The following SRPK2 variants were observed in gnomAD, a reference collection of about 807,000 sequenced individuals.
The protein encoded by SRPK2 is SFRS protein kinase 2.
SRPK2 carries 21 observed loss-of-function variants against 90.8 expected under a neutral mutation model. The observed-to-expected ratio is 0.23, with a 90% CI of 0.16 to 0.33. SRPK2 has a LOEUF of 0.33. Ranked by LOEUF, SRPK2 falls within the 10% of genes least tolerant of loss-of-function variation. SRPK2 has a pLI of 1.00. For missense variants in SRPK2, 620 were observed against 869.0 expected, an observed-to-expected ratio of 0.71 and a Z score of 3.60; for synonymous variants, 288 against 311.1, an observed-to-expected ratio of 0.93 and a Z score of 0.78.
At chr7:105,140,714 G>A (rs776951596) in intron 11 of SRPK2, among the ~76,000 whole-genome samples, 11 of 152,074 alleles carry the variant, frequency 7.2e-5, no homozygotes, top group East Asian at 1.9e-4. Flanking sequence ...TGTAATCCCA[G>A]CACTTTGGGA....
chr7:105,293,641 A>T (rs1399663097), intron 2 of SRPK2, among the ~76,000 whole-genome samples: 1 of 152,062 alleles, frequency 6.6e-6, no homozygotes, highest in Non-Finnish European at 1.5e-5. Context: ...GCTGGTCTCA[A>T]ACTCCTGACC....
At chr7:105,235,501 A>G (rs1800015724) in intron 2 of SRPK2, among the ~76,000 whole-genome samples, 6 of 152,110 alleles carry the variant, frequency 3.9e-5, no homozygotes, top group Admixed American at 3.3e-4. Context: ...TGCATTTTAA[A>G]TATGTATGGT....
At chr7:105,386,197 C>T (rs1469812757) in intron 2 of SRPK2, among the ~76,000 whole-genome samples, 4 of 151,846 alleles carry the variant, frequency 2.6e-5, no homozygotes, top group Non-Finnish European at 5.9e-5. Flanking sequence ...GCCTGTAGTC[C>T]CAGCTACTCA....
intron 2 of SRPK2, among the ~76,000 whole-genome samples, chr7:105,259,047 C>A (rs1462172275): frequency 2.0e-5 from 3 of 152,042 alleles, no homozygotes; most frequent in Non-Finnish European, 4.4e-5. Context: ...GGCAGTCAGG[C>A]AGGAAAAGGA....
intron 2 of SRPK2, among the ~76,000 whole-genome samples, chr7:105,335,186 T>C (rs1184481575): frequency 4.6e-5 from 7 of 152,024 alleles, no homozygotes; most frequent in African/African-American, 1.7e-4. Flanking sequence ...AATAAATAAA[T>C]AACACTACTT....
rs1326883007 is a variant in SRPK2 at position 105,268,667 on chromosome 7, C to T, written c.72-64882G>A. 4 of 944,896 alleles carry T rather than the reference C, an allele frequency of 4.2e-6. No homozygotes were observed. The African/African-American group carries it at 4.9e-5, about 11-fold the overall frequency. The allele number at this position is 944,896 out of a possible 1,614,324, so 58.5% of individuals were successfully genotyped here. On this transcript the variant is annotated intron_variant, in intron 2 of 15. Coordinates refer to ENST00000393651, the MANE Select transcript of SRPK2 (RefSeq NM_182692.3). ...AAAAGCAGAACAGCTTGCCCCAATACACATCTTCAATACAGCACAATACCA... is the reference window on the plus strand; with the variant it reads ...AAAAGCAGAACAGCTTGCCCCAATATACATCTTCAATACAGCACAATACCA...
chr7:105,195,161 T>TGCCTCC (rs1794762617), intron 3 of SRPK2, among the ~76,000 whole-genome samples: 1 of 152,202 alleles, frequency 6.6e-6, no homozygotes, highest in Non-Finnish European at 1.5e-5. Context: ...GTGATTCTCC[T>TGCCTCC]GCCTCCGCCT....
intron 2 of SRPK2, chr7:105,301,583 AAAGTTTCCGG>A (rs2131260094): frequency 6.3e-7 from 1 of 1,597,344 alleles, no homozygotes; most frequent in Non-Finnish European, 8.6e-7. Flanking sequence ...GAAGGAGATG[AAAGTTTCCGG>A]GAATTAAGTT....
chr7:105,202,275 T>A (rs1173312080), intron 3 of SRPK2, among the ~76,000 whole-genome samples: 1 of 152,208 alleles, frequency 6.6e-6, no homozygotes, highest in African/African-American at 2.4e-5. Flanking sequence ...ATGATCTATA[T>A]CTACTAGATA....
rs1272637093 is a variant in SRPK2, at chr7:105,330,360, TAAAATAAAATATAA to T, written c.71+58274_71+58287del. Among the ~76,000 whole-genome samples, 21 of 150,588 alleles carry T rather than the reference TAAAATAAAATATAA, an allele frequency of 1.4e-4. No individual in the cohort carries two copies. The South Asian group carries it at 3.3e-3, about 24-fold the overall frequency. ...TCAAAAATAAATAAATAAATAAAAA[TAAAATAAAATATAA>T]AAAATAAAAATAAAATAAAACCAGT... On this transcript the variant is annotated intron_variant, in intron 2 of 15. Coordinates refer to ENST00000393651, the MANE Select transcript of SRPK2 (RefSeq NM_182692.3).
intron 2 of SRPK2, among the ~76,000 whole-genome samples, chr7:105,350,323 G>T (rs956281618): frequency 1.3e-5 from 2 of 150,696 alleles, no homozygotes; most frequent in African/African-American, 2.4e-5. Flanking sequence ...GTAGAGACAG[G>T]GTTTCACCAT....
At chr7:105,133,231 C>T in intron 11 of SRPK2, 127 bp from the exon 12 acceptor site, 1 of 837,774 alleles carries the variant, frequency 1.2e-6, no homozygotes, top group Non-Finnish European at 1.9e-6. Context: ...GCCTGGAATA[C>T]TGTAAATTAA....
Position 105,372,210 on chromosome 7 carries a change from A to G in SRPK2, c.71+16438T>C, listed in dbSNP as rs181177433. On this transcript the variant is annotated intron_variant, in intron 2 of 15. Coordinates refer to ENST00000393651, the MANE Select transcript of SRPK2 (RefSeq NM_182692.3). ...TGATTCAAAAAGCACTTATAATGAT[A>G]ATAGTCATTGCTGTTGCAAATCTGA... Among the ~76,000 whole-genome samples the G allele has an allele frequency of 9.5e-4, 144 of 152,070 alleles. 1 individual carries two copies. Among genetic ancestry groups the G allele is most frequent in the African/African-American group, 3.3e-3 (137 of 41,520 alleles).
At chr7:105,365,702 G>C (rs902471846) in intron 2 of SRPK2, among the ~76,000 whole-genome samples, 1 of 151,596 alleles carries the variant, frequency 6.6e-6, no homozygotes, top group South Asian at 2.1e-4. Flanking sequence ...GGGGGACTGA[G>C]ATGGGAGGAT....
chr7:105,335,605 T>C (rs1175903858), intron 2 of SRPK2, among the ~76,000 whole-genome samples: 1 of 147,966 alleles, frequency 6.8e-6, no homozygotes, highest in Non-Finnish European at 1.5e-5. Flanking sequence ...TGCAGTGAGA[T>C]GGTGCCACTG....
At chr7:105,345,990 C>G (rs535521621) in intron 2 of SRPK2, among the ~76,000 whole-genome samples, 119 of 152,306 alleles carry the variant, frequency 7.8e-4, no homozygotes, top group Non-Finnish European at 1.4e-3. Context: ...TTACATACTT[C>G]CCTCTCTCTG....
intron 2 of SRPK2, among the ~76,000 whole-genome samples, chr7:105,310,168 T>C (rs926239051): frequency 6.6e-6 from 1 of 152,096 alleles, no homozygotes; most frequent in African/African-American, 2.4e-5. Flanking sequence ...CTGGGAGGAA[T>C]ACTGCTGAGT....
intron 2 of SRPK2, among the ~76,000 whole-genome samples, chr7:105,254,236 C>T (rs1234129845): frequency 6.6e-6 from 1 of 152,106 alleles, no homozygotes; most frequent in Non-Finnish European, 1.5e-5. Flanking sequence ...AGAGTAAAGA[C>T]CTAAAGAACA....
chr7:105,170,977 GAGAAAGAAAGAA>G (rs750707874), intron 3 of SRPK2, among the ~76,000 whole-genome samples: 14 of 42,202 alleles, frequency 3.3e-4, no homozygotes, highest in African/African-American at 1.4e-3. Context: ...GAGAAAGAAA[GAGAAAGAAAGAA>G]AGAAAGAGAA....
Sources: allele counts gnomAD v4.1 joint callset (sites outside exome capture counted in the v4.1 genomes callset), GRCh38; gene constraint gnomAD v4.1.1; transcripts MANE v1.5; gene names NCBI Gene and HGNC (gene_info 2026-07-23, HGNC 2026-07-21).